Variants in DUOX1 observed in about 807,000 individuals in gnomAD.
DUOX1 encodes the protein NADPH thyroid oxidase 1.
Under a neutral mutation model 181.8 loss-of-function variants are expected in DUOX1, and 134 were observed. That is an observed-to-expected ratio of 0.74 (90% CI 0.64 to 0.85). DUOX1 has a LOEUF of 0.85. Among genes scored for constraint, DUOX1 ranks in the 40% least tolerant of loss-of-function variants. The pLI is 0.00. For missense variants in DUOX1, 1,814 were observed against 2,064.4 expected, an observed-to-expected ratio of 0.88 and a Z score of 2.35; for synonymous variants, 798 against 832.5, an observed-to-expected ratio of 0.96 and a Z score of 0.71.
intron 21 of DUOX1, among the ~76,000 whole-genome samples, chr15:45,149,614 CAAAG>C (rs1285216101): frequency 4.6e-5 from 7 of 152,144 alleles, no homozygotes; most frequent in Non-Finnish European, 4.4e-5. Flanking sequence ...TTTGGGAGGC[CAAAG>C]TGGGAGGATC....
chr15:45,133,529 G>A (rs1300905847), intron 2 of DUOX1, among the ~76,000 whole-genome samples: 1 of 152,082 alleles, frequency 6.6e-6, no homozygotes, highest in Non-Finnish European at 1.5e-5. Flanking sequence ...AGTTTAAGGG[G>A]AGTAAAGTCC....
rs777852279 is a variant in DUOX1, at chr15:45,144,950, G to T, written c.2192G>T (p.Gly731Val). The T allele has an allele frequency of 3.1e-6, 5 of 1,613,718 alleles. No homozygotes were observed. The East Asian group carries it at 1.1e-4, about 36-fold the overall frequency. ...ERQALVENLR[G>V]ALKESGLSIQ... is the part of the protein sequence containing the mutation. ...CAGGCGCTGGTGGAAAATCTCCGGG[G>T]AGCTCTGAAGGAGAGCGGGTTGAGC... The change falls in exon 18 of 34, where the codon GGA becomes GTA. Residue 731 changes from glycine to valine, a missense_variant. Around this residue, in one of 5 missense-constraint regions of DUOX1, gnomAD observed 1,064 missense variants for 1,152.9 expected, o/e 0.92. Transcript: ENST00000389037.
At chr15:45,138,155 G>C (rs1896385466) in intron 10 of DUOX1, 141 bp downstream of exon 10, 1 of 554,488 alleles carries the variant, frequency 1.8e-6, no homozygotes, top group East Asian at 3.4e-5. Context: ...AGCTGGGATA[G>C]GCTGGGGTGA....
At position 45,153,176 on chromosome 15, in the gene DUOX1, G is replaced by A. The variant is rs566050990; in HGVS notation, c.3425-204G>A. 128 of 471,356 alleles carry A rather than the reference G, an allele frequency of 2.7e-4. 3 individuals are homozygous for A. In the South Asian group the frequency reaches 3.0e-3, roughly 11 times the overall value. The allele number at this position is 471,356 out of a possible 1,614,324, so 29.2% of individuals were successfully genotyped here. A position where few individuals can be genotyped will look rare whatever the true frequency, so the allele number is the denominator to read the frequency against. ...GCAGAGGTTGCAGTGAGCCGAGATC[G>A]CACCACTGCCCTCCAGCCTGGGTGA... On this transcript the variant is annotated intron_variant, in intron 25 of 33. Transcript: ENST00000389037.
At chr15:45,156,496 G>A (rs147298709) in intron 28 of DUOX1, among the ~76,000 whole-genome samples, 16,698 of 152,016 alleles carry the variant, frequency 0.11, 1,018 homozygotes, top group South Asian at 0.24. Flanking sequence ...GCAATGGCAT[G>A]ATCTCAACTC....
intron 13 of DUOX1, 100 bp from the exon 14 acceptor site, chr15:45,141,192 C>T (rs1267053835): frequency 5.1e-6 from 8 of 1,559,798 alleles, no homozygotes; most frequent in Non-Finnish European, 7.1e-6. Flanking sequence ...CACTTCCCAA[C>T]ACCTCTGGGT....
intron 28 of DUOX1, among the ~76,000 whole-genome samples, chr15:45,157,524 G>T (rs918183839): frequency 6.6e-6 from 1 of 152,040 alleles, no homozygotes; most frequent in Non-Finnish European, 1.5e-5. Context: ...GAAAGTCAGG[G>T]GTTCGAAAGG....
At chr15:45,163,109 C>T (rs551036682) in intron 31 of DUOX1, among the ~76,000 whole-genome samples, 2 of 152,350 alleles carry the variant, frequency 1.3e-5, no homozygotes, top group South Asian at 2.1e-4. Flanking sequence ...AGCTTCCACC[C>T]GCTGGTATCT....
At chr15:45,144,862 A>T (rs2141272654) in intron 17 of DUOX1, 33 bp from the exon 18 acceptor site, 1 of 1,573,384 alleles carries the variant, frequency 6.4e-7, no homozygotes, top group East Asian at 2.2e-5. Flanking sequence ...AGGCCTTGGC[A>T]AATGGTTGCT....
Position 45,160,929 on chromosome 15 carries a change from G to A in DUOX1, c.3795G>A (p.Leu1265=). 6.2e-7 allele frequency: 1 copy of A among 1,614,150 alleles called. No individual in the cohort carries two copies. Among genetic ancestry groups the A allele is most frequent in the Non-Finnish European group, 8.5e-7 (1 of 1,179,998 alleles). Residue 1265 remains leucine, a synonymous_variant, in exon 29 of 34, where the codon CTG becomes CTA. Coordinates refer to ENST00000389037, the MANE Select transcript of DUOX1 (RefSeq NM_175940.3). ...VPAIIYGGDK[L]VSLSRKKVEI... ...CAATCATCTATGGGGGCGACAAGCT[G>A]GTGAGCCTGAGCCGGAAGAAGGTGG...
intron 12 of DUOX1, chr15:45,139,843 T>G: frequency 1.6e-6 from 1 of 612,592 alleles, no homozygotes; most frequent in Non-Finnish European, 2.8e-6. Flanking sequence ...TATTGTTTGC[T>G]AGGCACTTAA....
chr15:45,143,217 C>T lies in DUOX1; in HGVS notation c.1850C>T (p.Ala617Val), dbSNP rs757950789. The change falls in exon 16 of 34, where the codon GCC (alanine) becomes GTC (valine). Residue 617 changes from alanine (A) to valine (V), a missense_variant. Physicochemically the swap from Ala to Val is moderately conservative, Grantham distance 64. Transcript: ENST00000389037. ...AGCCTGCTCAGTGCCTGGATTGTTGCCCGGCTCCGGATGAGAAATTTCAAG... is the reference window on the plus strand; with the variant it reads ...AGCCTGCTCAGTGCCTGGATTGTTGTCCGGCTCCGGATGAGAAATTTCAAG... ...LVSLLSAWIVARLRMRNFKRL... is the reference protein window; with the variant it reads ...LVSLLSAWIVVRLRMRNFKRL... 9.3e-6 allele frequency: 15 copies of T among 1,614,008 alleles called. No individual in the cohort carries two copies. The African/African-American group carries it at 1.7e-4, about 19-fold the overall frequency.
At position 45,161,727 on chromosome 15, in the gene DUOX1, T is replaced by C; in HGVS notation, c.3857-11T>C. On this transcript the variant is annotated splice_polypyrimidine_tract_variant and intron_variant, in intron 29 of 33. Coordinates refer to ENST00000389037, the MANE Select transcript of DUOX1 (RefSeq NM_175940.3). ...CAGGGCAGCAGCTTCTCACCCACCA[T>C]CCCTCCCCAGGAGTGACCCACCTGC... 3.1e-6 allele frequency: 5 copies of C among 1,612,380 alleles called. No individual in the cohort carries two copies. Among genetic ancestry groups the C allele is most frequent in the Non-Finnish European group, 4.2e-6 (5 of 1,179,566 alleles).
chr15:45,158,365 CTT>C (rs1349006747), intron 28 of DUOX1, among the ~76,000 whole-genome samples: 1 of 151,182 alleles, frequency 6.6e-6, no homozygotes, highest in Non-Finnish European at 1.5e-5. Context: ...TCTAGGAAGA[CTT>C]AGCTGGGGGA....
At chr15:45,159,326 C>T (rs1897041774) in intron 28 of DUOX1, among the ~76,000 whole-genome samples, 1 of 152,154 alleles carries the variant, frequency 6.6e-6, no homozygotes, top group Admixed American at 6.5e-5. Context: ...CTGGGGGTGG[C>T]AGAAGGAATT....
chr15:45,151,128 C>A lies in DUOX1; in HGVS notation c.2894C>A (p.Ser965Tyr). 1.9e-6 allele frequency: 3 copies of A among 1,614,160 alleles called. No individual in the cohort carries two copies. In the Admixed American group the frequency reaches 5.0e-5, roughly 27 times the overall value. The change falls in exon 23 of 34, where the codon TCT becomes TAT. Residue 965 changes from serine to tyrosine, a missense_variant. By Grantham distance (144) the Ser-to-Tyr change is moderately radical. This residue lies in a region of DUOX1 where 1,064 missense variants were observed against 1,152.9 expected (regional missense o/e 0.92). Coordinates refer to ENST00000389037, the MANE Select transcript of DUOX1 (RefSeq NM_175940.3). ...TCTTACCATTCTTGTCTTAGTCCCT[C>A]TCCCAGAGTGAGTGCCCGCTGTTCC... Reference protein sequence around the residue: ...SYISQDMICPSPRVSARCSRS... With the variant: ...SYISQDMICPYPRVSARCSRS...
intron 28 of DUOX1, among the ~76,000 whole-genome samples, chr15:45,156,202 A>G (rs1052308072): frequency 6.6e-6 from 1 of 151,998 alleles, no homozygotes; most frequent in African/African-American, 2.4e-5. Flanking sequence ...CCTCCACCCC[A>G]CTTCTGCCCA....
chr15:45,155,943 G>A lies in DUOX1; in HGVS notation c.3702+14G>A. 6.2e-7 allele frequency: 1 copy of A among 1,614,110 alleles called. No homozygotes were observed. ...CTCTATGTCCTGGTGAGGGCTTTTG[G>A]CTGTGAGCCAGGCCAGGAGGGTATG... is the stretch of plus-strand genomic sequence containing the variant. On this transcript the variant is annotated intron_variant, in intron 28 of 33. Transcript: ENST00000389037.
intron 31 of DUOX1, 145 bp downstream of exon 31, chr15:45,162,522 G>C: frequency 9.7e-7 from 1 of 1,036,154 alleles, no homozygotes; most frequent in South Asian, 1.8e-5. Context: ...GTTGGGTGGT[G>C]AGTGGGGTGG....
Sources: allele counts gnomAD v4.1 joint callset (sites outside exome capture counted in the v4.1 genomes callset), GRCh38; gene constraint gnomAD v4.1.1; regional missense constraint gnomAD v4.1.1; transcripts MANE v1.5; gene names NCBI Gene and HGNC (gene_info 2026-07-23, HGNC 2026-07-21).